The following LHFPL3 variants were observed in gnomAD, a reference collection of about 807,000 sequenced individuals.
LHFPL3 encodes LHFPL tetraspan subfamily member 3, also known as LHFPL tetraspan subfamily member 3 protein.
In LHFPL3, 5 loss-of-function variants were observed where a neutral mutation model predicts 19.3. That is an observed-to-expected ratio of 0.26 (90% confidence interval 0.14 to 0.54). LHFPL3 has a LOEUF of 0.54. Among genes scored for constraint, LHFPL3 ranks in the 20% least tolerant of loss-of-function variants. The pLI, the probability that LHFPL3 is intolerant of heterozygous loss-of-function variation, is 0.94. For missense variants in LHFPL3, 249 were observed against 307.4 expected (o/e 0.81, Z 1.42); for synonymous variants, 133 against 126.2 (o/e 1.05, Z -0.36).
chr7:104,619,828 A>C (rs753031094), intron 1 of LHFPL3, among the ~76,000 whole-genome samples: 3 of 152,150 alleles, frequency 2.0e-5, no homozygotes, highest in Non-Finnish European at 2.9e-5. Context: ...GTGGAAGACA[A>C]TTTAAGACAA....
At chr7:104,712,266 G>A (rs956922531) in intron 1 of LHFPL3, among the ~76,000 whole-genome samples, 3 of 152,186 alleles carry the variant, frequency 2.0e-5, no homozygotes, top group African/African-American at 7.2e-5. Flanking sequence ...TTAGATGATG[G>A]AAATTTATTT....
intron 1 of LHFPL3, among the ~76,000 whole-genome samples, chr7:104,674,089 ATTT>A (rs34190904): frequency 1.8e-4 from 25 of 139,632 alleles, no homozygotes; most frequent in Admixed American, 2.8e-4. Context: ...TTGCTGCATG[ATTT>A]TTTTTTTTTT....
chr7:104,523,960 A>G (rs1794132550), intron 1 of LHFPL3, among the ~76,000 whole-genome samples: 1 of 152,220 alleles, frequency 6.6e-6, no homozygotes, highest in Non-Finnish European at 1.5e-5. Context: ...ATTCCTTCAG[A>G]TGATTCTGAT....
chr7:104,732,263 C>T (rs1488647622), intron 1 of LHFPL3, among the ~76,000 whole-genome samples: 3 of 152,204 alleles, frequency 2.0e-5, no homozygotes, highest in East Asian at 1.9e-4. Context: ...AGGATTCCCT[C>T]TTTTTCTATT....
In LHFPL3 at chr7:104,634,084, C is replaced by G. The variant is rs114200868; in HGVS notation, c.446-102591C>G. 3.9e-3 allele frequency among the ~76,000 whole-genome samples: 591 copies of G among 152,310 alleles called. 7 individuals carry two copies. Among genetic ancestry groups the G allele is most frequent in the African/African-American group, 0.013 (538 of 41,558 alleles). ...AACTTTTATGGTATCTAACAAATAT[C>G]TTTATTTCTCACTGATGTCTTCTTC... On this transcript the variant is annotated intron_variant, in intron 1 of 2. Coordinates refer to ENST00000424859, the MANE Select transcript of LHFPL3 (RefSeq NM_199000.3).
At chr7:104,388,626 C>G (rs1012094671) in intron 1 of LHFPL3, among the ~76,000 whole-genome samples, 1 of 152,024 alleles carries the variant, frequency 6.6e-6, no homozygotes, top group Non-Finnish European at 1.5e-5. Flanking sequence ...AATATAGACA[C>G]AAAATCCTCA....
chr7:104,434,649 C>T (rs372083163), intron 1 of LHFPL3, among the ~76,000 whole-genome samples: 3 of 152,278 alleles, frequency 2.0e-5, no homozygotes, highest in South Asian at 4.1e-4. Flanking sequence ...GAGTCCTCTA[C>T]TGCATGTAAT....
chr7:104,757,911 A>G (rs1794313631), intron 2 of LHFPL3, among the ~76,000 whole-genome samples: 1 of 152,244 alleles, frequency 6.6e-6, no homozygotes, highest in Non-Finnish European at 1.5e-5. Context: ...TTGTATGTTC[A>G]TTGCAGCACT....
At chr7:104,705,321 T>C (rs1422070698) in intron 1 of LHFPL3, among the ~76,000 whole-genome samples, 1 of 152,214 alleles carries the variant, frequency 6.6e-6, no homozygotes, top group Non-Finnish European at 1.5e-5. Flanking sequence ...TCTTGTCTTT[T>C]TCCTCATTTC....
At chr7:104,540,389 T>G (rs1316102797) in intron 1 of LHFPL3, among the ~76,000 whole-genome samples, 2 of 152,214 alleles carry the variant, frequency 1.3e-5, no homozygotes, top group East Asian at 3.9e-4. Context: ...TGAAAATATT[T>G]TTCATTGTCA....
intron 1 of LHFPL3, among the ~76,000 whole-genome samples, chr7:104,461,180 G>A (rs1297529758): frequency 6.6e-6 from 1 of 152,200 alleles, no homozygotes; most frequent in Admixed American, 6.5e-5. Context: ...TGAGAGTGGA[G>A]TCAAGGGGAA....
At chr7:104,743,260 A>G (rs978603279) in intron 2 of LHFPL3, among the ~76,000 whole-genome samples, 5 of 152,070 alleles carry the variant, frequency 3.3e-5, no homozygotes, top group Admixed American at 1.3e-4. Context: ...GAGTAGAATG[A>G]GTGCAATTTA....
chr7:104,664,619 C>T (rs1343659401), intron 1 of LHFPL3, among the ~76,000 whole-genome samples: 1 of 152,198 alleles, frequency 6.6e-6, no homozygotes, highest in African/African-American at 2.4e-5. Flanking sequence ...AGTTGTAGCA[C>T]AGCATAGATA....
At chr7:104,866,934 G>T (rs982809122) in intron 2 of LHFPL3, among the ~76,000 whole-genome samples, 1 of 152,124 alleles carries the variant, frequency 6.6e-6, no homozygotes, top group African/African-American at 2.4e-5. Context: ...ACTCAAAACT[G>T]CTCAACTACA....
chr7:104,491,739 A>G (rs1322734654), intron 1 of LHFPL3, among the ~76,000 whole-genome samples: 3 of 152,218 alleles, frequency 2.0e-5, no homozygotes, highest in Non-Finnish European at 4.4e-5. Flanking sequence ...CAGAATTATA[A>G]TCCCTTTACA....
chr7:104,695,308 C>T (rs1792978389), intron 1 of LHFPL3, among the ~76,000 whole-genome samples: 2 of 152,120 alleles, frequency 1.3e-5, no homozygotes, highest in Admixed American at 1.3e-4. Context: ...GAGTTAACTA[C>T]ATTAATTCAA....
intron 2 of LHFPL3, among the ~76,000 whole-genome samples, chr7:104,828,078 T>C (rs966615134): frequency 2.6e-5 from 4 of 151,956 alleles, no homozygotes; most frequent in African/African-American, 9.7e-5. Context: ...GAGCCAGATA[T>C]GGGCAAACCA....
chr7:104,446,993 T>TAATA (rs1792342692), intron 1 of LHFPL3, among the ~76,000 whole-genome samples: 2 of 152,238 alleles, frequency 1.3e-5, no homozygotes, highest in Non-Finnish European at 2.9e-5. Context: ...TTACTCATAC[T>TAATA]AATAAATAAA....
At chr7:104,464,922 A>G (rs1199021518) in intron 1 of LHFPL3, among the ~76,000 whole-genome samples, 1 of 152,244 alleles carries the variant, frequency 6.6e-6, no homozygotes, top group Non-Finnish European at 1.5e-5. Context: ...TTCTTCCCAG[A>G]AAATGGAGTT....
Sources: gnomAD v4.1 joint callset for allele counts (sites outside exome capture counted in the v4.1 genomes callset) on GRCh38, gnomAD v4.1.1 for gene constraint, MANE v1.5 for transcripts, NCBI Gene and HGNC (gene_info 2026-07-23, HGNC 2026-07-21) for gene names.